RTTN: variants seen among roughly 807,000 people sequenced by gnomAD.
RTTN encodes rotatin.
In RTTN, 182 loss-of-function variants were observed where a neutral mutation model predicts 269.2. That is an observed-to-expected ratio of 0.68 (90% confidence interval 0.60 to 0.76). The LOEUF (loss-of-function observed/expected upper bound fraction) is 0.76. Among genes scored for constraint, RTTN ranks in the 30% least tolerant of loss-of-function variants. The probability of loss-of-function intolerance (pLI) is 0.00; values close to 1 mark genes in which losing one functional copy is unlikely to be tolerated. For missense variants in RTTN, 2,545 were observed against 2,608.6 expected, an observed-to-expected ratio of 0.98 and a Z score of 0.53; for synonymous variants, 1,006 against 963.5, an observed-to-expected ratio of 1.04 and a Z score of -0.82.
chr18:70,149,026 G>T lies in RTTN; in HGVS notation c.2184C>A (p.Asp728Glu), dbSNP rs762083969. The change falls in exon 17 of 49, where the codon GAC becomes GAA. Residue 728 changes from aspartate (D) to glutamate (E), a missense_variant. By Grantham distance (45) the Asp-to-Glu change is conservative. Coordinates refer to ENST00000640769, the MANE Select transcript of RTTN (RefSeq NM_173630.4). Reference sequence around the variant, plus strand: ...TGCAGTTACCCAGAGGATCTTCTGTGTCGGCATAGCCCTAATAGATTTGTT... The same window carrying T: ...TGCAGTTACCCAGAGGATCTTCTGTTTCGGCATAGCCCTAATAGATTTGTT... Reference protein sequence around the residue: ...PVIPILQGYADTEDPLGNCIL... With the variant: ...PVIPILQGYAETEDPLGNCIL... 6.2e-7 allele frequency: 1 copy of T among 1,613,112 alleles called. No individual in the cohort carries two copies. Among genetic ancestry groups the T allele is most frequent in the Non-Finnish European group, 8.5e-7 (1 of 1,179,338 alleles).
At position 70,042,477 on chromosome 18, in the gene RTTN, A is replaced by G. The variant is rs1599239972; in HGVS notation, c.5541+5494T>C. Among the ~76,000 whole-genome samples the G allele has an allele frequency of 4.2e-5, 6 of 143,410 alleles. No individual in the cohort carries two copies. In the Middle Eastern group the frequency reaches 0.012, roughly 278 times the overall value. 94.1% of individuals were successfully genotyped at this position (143,410 alleles called of 152,430 possible). On this transcript the variant is annotated intron_variant, in intron 40 of 48. Transcript: ENST00000640769. Reference sequence around the variant, plus strand: ...TGCAAGCTCCCCGTCCCGGGTTCACACCATTCTCCTGCCTCAGCCTCCCGA... The same window carrying G: ...TGCAAGCTCCCCGTCCCGGGTTCACGCCATTCTCCTGCCTCAGCCTCCCGA...
rs2056440125 is a variant in RTTN, at chr18:70,013,112, CT to C, written c.6421+4294del. 3.9e-5 allele frequency among the ~76,000 whole-genome samples: 6 copies of C among 152,246 alleles called. No homozygotes were observed. In the South Asian group the frequency reaches 1.2e-3, roughly 32 times the overall value. ...CCCTTTGGTTGTCGTGTATCATAAC[CT>C]ACCCAGAACCAAGCCATGTACATAG... On this transcript the variant is annotated intron_variant, in intron 46 of 48. Transcript: ENST00000640769.
intron 5 of RTTN, among the ~76,000 whole-genome samples, chr18:70,198,458 T>C (rs1600075179): frequency 1.3e-5 from 2 of 152,318 alleles, no homozygotes; most frequent in African/African-American, 4.8e-5. Context: ...AGAGAATTCA[T>C]GTCATTATTA....
chr18:70,204,983 A>G, intron 2 of RTTN, 145 bp downstream of exon 2: 1 of 728,000 alleles, frequency 1.4e-6, no homozygotes, highest in Non-Finnish European at 2.3e-6. Context: ...TGAACCATAT[A>G]CCCAGATTAA....
At chr18:70,097,970 T>C (rs887474509) in intron 28 of RTTN, among the ~76,000 whole-genome samples, 2 of 152,228 alleles carry the variant, frequency 1.3e-5, no homozygotes, top group African/African-American at 4.8e-5. Flanking sequence ...CTATTCCTGA[T>C]TTCAAAGAGT....
chr18:70,093,611 T>C (rs910356528), intron 28 of RTTN, among the ~76,000 whole-genome samples: 1 of 152,222 alleles, frequency 6.6e-6, no homozygotes, highest in Non-Finnish European at 1.5e-5. Flanking sequence ...CATTTATTGA[T>C]TTGCATATGT....
intron 28 of RTTN, among the ~76,000 whole-genome samples, chr18:70,103,861 T>G (rs1188942119): frequency 6.6e-6 from 1 of 151,942 alleles, no homozygotes; most frequent in East Asian, 1.9e-4. Flanking sequence ...AGATCCGCTG[T>G]TAGTCTGACG....
At chr18:70,108,609 A>G (rs1193180129) in intron 28 of RTTN, among the ~76,000 whole-genome samples, 2 of 152,156 alleles carry the variant, frequency 1.3e-5, no homozygotes, top group African/African-American at 4.8e-5. Context: ...TAAAAACTTC[A>G]GAATTCTAAA....
intron 42 of RTTN, among the ~76,000 whole-genome samples, chr18:70,029,124 C>A (rs1167001233): frequency 6.8e-6 from 1 of 146,702 alleles, no homozygotes; most frequent in Non-Finnish European, 1.5e-5. Flanking sequence ...GGCTGACTTT[C>A]TCAATGATGA....
chr18:70,084,423 G>T (rs773695373), intron 32 of RTTN, among the ~76,000 whole-genome samples: 12 of 152,084 alleles, frequency 7.9e-5, no homozygotes, highest in Admixed American at 2.6e-4. Context: ...TACTGGCTAT[G>T]TGGCCCCTTT....
chr18:70,082,476 C>A (rs563215682), intron 32 of RTTN, among the ~76,000 whole-genome samples: 94 of 152,242 alleles, frequency 6.2e-4, no homozygotes, highest in Non-Finnish European at 1.2e-3. Flanking sequence ...ATAATCAACT[C>A]TAAAATTGGT....
intron 10 of RTTN, among the ~76,000 whole-genome samples, chr18:70,180,900 G>C (rs1442961949): frequency 6.6e-6 from 1 of 152,102 alleles, no homozygotes; most frequent in Non-Finnish European, 1.5e-5. Flanking sequence ...GGCATAAAAA[G>C]CACTACATCT....
chr18:70,177,303 T>C (rs1016645843), intron 10 of RTTN, among the ~76,000 whole-genome samples: 7 of 152,138 alleles, frequency 4.6e-5, no homozygotes, highest in African/African-American at 1.7e-4. Context: ...TGTCCTCAAA[T>C]TGATACCAAC....
At chr18:70,122,476 T>C (rs1159848335) in intron 25 of RTTN, among the ~76,000 whole-genome samples, 1 of 152,092 alleles carries the variant, frequency 6.6e-6, no homozygotes, top group Non-Finnish European at 1.5e-5. Context: ...TACTCAGCAT[T>C]TATGGAGCAC....
rs953356230 is a variant in RTTN, at chr18:70,127,357, T to C, written c.3383+145A>G. Reference sequence around the variant, plus strand: ...AAATTAAAAATTTCTCTTTGGCTATTATTACAGATGATAAAAATCCTGGAG... The same window carrying C: ...AAATTAAAAATTTCTCTTTGGCTATCATTACAGATGATAAAAATCCTGGAG... On this transcript the variant is annotated intron_variant, in intron 25 of 48. Transcript: ENST00000640769. 3 of 903,630 alleles carry C rather than the reference T, an allele frequency of 3.3e-6. No homozygotes were observed. In the Admixed American group the frequency reaches 8.0e-5, roughly 24 times the overall value. The allele number at this position is 903,630 out of a possible 1,614,324, so 56.0% of individuals were successfully genotyped here.
chr18:70,069,631 T>C (rs937123525), intron 34 of RTTN, among the ~76,000 whole-genome samples: 3 of 152,236 alleles, frequency 2.0e-5, no homozygotes, highest in African/African-American at 7.2e-5. Context: ...TGTATCTGCC[T>C]TACAGAAGCA....
At chr18:70,074,318 G>A (rs1367675342) in intron 33 of RTTN, among the ~76,000 whole-genome samples, 1 of 151,986 alleles carries the variant, frequency 6.6e-6, no homozygotes. Context: ...GTTAGTTTAA[G>A]GGCCATGCTC....
chr18:70,103,927 C>T (rs2059250578), intron 28 of RTTN, among the ~76,000 whole-genome samples: 1 of 152,124 alleles, frequency 6.6e-6, no homozygotes, highest in Admixed American at 6.5e-5. Context: ...AATATTTTTT[C>T]TGTCATTTCA....
intron 27 of RTTN, 93 bp from the exon 28 acceptor site, chr18:70,109,810 T>C: frequency 9.5e-6 from 9 of 943,384 alleles, no homozygotes; most frequent in South Asian, 4.7e-5. Flanking sequence ...CTTAAACTCA[T>C]AGTAATAGAA....
Sources: allele counts gnomAD v4.1 joint callset (sites outside exome capture counted in the v4.1 genomes callset), GRCh38; gene constraint gnomAD v4.1.1; transcripts MANE v1.5; gene names NCBI Gene and HGNC (gene_info 2026-07-23, HGNC 2026-07-21).